URI1: variants seen among roughly 807,000 people sequenced by gnomAD.
The protein encoded by URI1 is URI1 prefoldin like chaperone.
Under a neutral mutation model 60.2 loss-of-function variants are expected in URI1, and 39 were observed. The ratio of observed to expected loss-of-function variants is 0.65; its 90% CI spans 0.50 to 0.85. The LOEUF (loss-of-function observed/expected upper bound fraction) is 0.85, where lower values mean the gene tolerates loss of function less well. URI1 is among the 40% of genes least tolerant of loss of function. The pLI, the probability that URI1 is intolerant of heterozygous loss-of-function variation, is 0.00. For missense variants in URI1, 691 were observed against 665.9 expected (o/e 1.04, Z -0.42); for synonymous variants, 251 against 236.8 (o/e 1.06, Z -0.55).
chr19:29,929,940 CTTT>C (rs201789370), intron 1 of URI1, among the ~76,000 whole-genome samples: 4 of 136,220 alleles, frequency 2.9e-5, no homozygotes, highest in African/African-American at 5.5e-5. Flanking sequence ...GACAGTGTCT[CTTT>C]TTTTTTTTTT....
chr19:29,955,570 A>G (rs2055234696), intron 1 of URI1, among the ~76,000 whole-genome samples: 1 of 152,224 alleles, frequency 6.6e-6, no homozygotes, highest in Non-Finnish European at 1.5e-5. Flanking sequence ...GAGAAATAGA[A>G]GAATATTATA....
intron 1 of URI1, among the ~76,000 whole-genome samples, chr19:29,962,983 A>C (rs2055345695): frequency 6.6e-6 from 1 of 151,720 alleles, no homozygotes; most frequent in Non-Finnish European, 1.5e-5. Flanking sequence ...AAGTCTTGTC[A>C]CTCCTTTGAA....
chr19:30,011,337 C>T (rs1204115184), intron 9 of URI1, 101 bp downstream of exon 9: 5 of 1,431,304 alleles, frequency 3.5e-6, no homozygotes, highest in East Asian at 2.5e-5. Context: ...AGAAGACCCT[C>T]ACTGAAAAGT....
At chr19:30,012,135 A>C (rs1372792708) in intron 9 of URI1, 150 bp from the exon 10 acceptor site, 7 of 914,820 alleles carry the variant, frequency 7.7e-6, no homozygotes, top group Non-Finnish European at 9.5e-6. Context: ...GAGGCTATAA[A>C]ATTATTGTGA....
chr19:29,964,606 G>A (rs1282560820), intron 1 of URI1, among the ~76,000 whole-genome samples: 2 of 151,042 alleles, frequency 1.3e-5, no homozygotes, highest in Admixed American at 6.6e-5. Flanking sequence ...GATTACAGGC[G>A]CCTGCCACAA....
chr19:29,945,479 C>T (rs569804179), intron 1 of URI1, among the ~76,000 whole-genome samples: 4 of 152,328 alleles, frequency 2.6e-5, no homozygotes, highest in African/African-American at 9.6e-5. Flanking sequence ...AAGCCACAAC[C>T]TCTAAGTGAC....
rs1322523453 is a variant in URI1, at chr19:30,016,578, A to T, written c.*1509A>T. 6.6e-6 allele frequency: 1 copy of T among 152,072 alleles called. No individual in the cohort carries two copies. Among genetic ancestry groups the T allele is most frequent in the East Asian group, 1.9e-4 (1 of 5,192 alleles). 9.4% of individuals were successfully genotyped at this position (152,072 alleles called of 1,614,324 possible). A position where few individuals can be genotyped will look rare whatever the true frequency, so the allele number is the denominator to read the frequency against. On this transcript the variant is annotated 3_prime_UTR_variant, in exon 11 of 11. Transcript: ENST00000392271. Reference sequence around the variant, plus strand: ...TTCTTAACAGATTTGTAATTTCAAGATGCGTGTCATTAAATAATTTTTCAT... The same window carrying T: ...TTCTTAACAGATTTGTAATTTCAAGTTGCGTGTCATTAAATAATTTTTCAT...
intron 2 of URI1, among the ~76,000 whole-genome samples, chr19:29,979,886 A>G (rs984848393): frequency 1.3e-5 from 2 of 152,152 alleles, no homozygotes; most frequent in Non-Finnish European, 1.5e-5. Context: ...GACCATTTAG[A>G]AAAAAAGTGT....
chr19:29,984,332 G>A (rs2055635113), intron 2 of URI1, among the ~76,000 whole-genome samples: 1 of 152,168 alleles, frequency 6.6e-6, no homozygotes, highest in Non-Finnish European at 1.5e-5. Flanking sequence ...AGGAGGCTAA[G>A]GCAGGGGAAT....
At chr19:29,949,369 G>A (rs950948911) in intron 1 of URI1, among the ~76,000 whole-genome samples, 1 of 140,784 alleles carries the variant, frequency 7.1e-6, no homozygotes, top group African/African-American at 2.7e-5. Flanking sequence ...GGGCAGAGAC[G>A]CTCCTCACTT....
At chr19:29,983,731 A>AG (rs893763941) in intron 2 of URI1, among the ~76,000 whole-genome samples, 4 of 152,208 alleles carry the variant, frequency 2.6e-5, no homozygotes, top group Non-Finnish European at 5.9e-5. Flanking sequence ...ATCTTGGCAT[A>AG]GGCTGCTGCC....
intron 2 of URI1, among the ~76,000 whole-genome samples, chr19:29,980,885 G>A (rs1397787614): frequency 2.1e-5 from 3 of 145,132 alleles, no homozygotes; most frequent in African/African-American, 5.2e-5. Context: ...TCACGCCACG[G>A]CACTCCAGGC....
chr19:29,946,821 A>G (rs576888712), intron 1 of URI1, among the ~76,000 whole-genome samples: 3 of 152,356 alleles, frequency 2.0e-5, no homozygotes, highest in South Asian at 4.1e-4. Context: ...AGTATCTACT[A>G]CATGCCAGGC....
chr19:29,954,833 A>G (rs2055224135), intron 1 of URI1, among the ~76,000 whole-genome samples: 1 of 151,896 alleles, frequency 6.6e-6, no homozygotes, highest in Non-Finnish European at 1.5e-5. Flanking sequence ...AACCATTTAC[A>G]TTCACTTTTG....
chr19:29,953,313 A>T (rs1360310448), intron 1 of URI1, among the ~76,000 whole-genome samples: 1 of 152,152 alleles, frequency 6.6e-6, no homozygotes, highest in Non-Finnish European at 1.5e-5. Flanking sequence ...ACATTTGGCT[A>T]TTGACTGTTG....
chr19:29,946,072 C>G (rs2055099667), intron 1 of URI1, among the ~76,000 whole-genome samples: 1 of 152,046 alleles, frequency 6.6e-6, no homozygotes, highest in African/African-American at 2.4e-5. Flanking sequence ...TTCCTTCCCC[C>G]CCCCAAAGGT....
At chr19:29,985,098 C>G in intron 2 of URI1, 125 bp from the exon 3 acceptor site, 1 of 805,844 alleles carries the variant, frequency 1.2e-6, no homozygotes, top group Non-Finnish European at 1.8e-6. Context: ...TTAGCCTGGG[C>G]GACGGAGCGA....
chr19:29,933,940 C>CT (rs34942474), intron 1 of URI1, among the ~76,000 whole-genome samples: 106,656 of 124,748 alleles, frequency 0.85, 46,446 homozygotes, highest in Non-Finnish European at 0.9. Context: ...CTTTTCTTCC[C>CT]TTTTTTTTTT....
intron 1 of URI1, among the ~76,000 whole-genome samples, chr19:29,969,715 G>C (rs2055434683): frequency 6.6e-6 from 1 of 152,084 alleles, no homozygotes; most frequent in South Asian, 2.1e-4. Flanking sequence ...ATCTTTTAAT[G>C]GGGTTGTTAA....
Sources: gnomAD v4.1 joint callset for allele counts (sites outside exome capture counted in the v4.1 genomes callset) on GRCh38, gnomAD v4.1.1 for gene constraint, MANE v1.5 for transcripts, NCBI Gene and HGNC (gene_info 2026-07-23, HGNC 2026-07-21) for gene names.